EHMT1: variants seen among roughly 807,000 people sequenced by gnomAD.
The protein encoded by EHMT1 is euchromatic histone lysine methyltransferase 1.
In EHMT1, 15 loss-of-function variants were observed where a neutral mutation model predicts 147.2. The ratio of observed to expected loss-of-function variants is 0.10; its 90% CI spans 0.07 to 0.16. The LOEUF (loss-of-function observed/expected upper bound fraction) is 0.16. Among genes scored for constraint, EHMT1 ranks in the 10% least tolerant of loss-of-function variants. The pLI is 1.00. For missense variants in EHMT1, 1,587 were observed against 1,772.4 expected (o/e 0.90, Z 1.88); for synonymous variants, 795 against 709.6 (o/e 1.12, Z -1.91).
rs760547309 is a variant in EHMT1 at position 137,798,857 on chromosome 9, C to T, written c.2550C>T (p.Gly850=). 6.2e-7 allele frequency: 1 copy of T among 1,614,180 alleles called. No homozygotes were observed. The highest frequency in any genetic ancestry group is 1.7e-5 in the Admixed American group (1 of 60,030). The change falls in exon 17 of 27, where the codon GGC becomes GGT. Residue 850 remains glycine, a synonymous_variant. Transcript: ENST00000460843. ...GTTTGCACCTGGCTGCCAAGAAAGG[C>T]CACTACGAAGTGGTCCAGTACCTGC... is the stretch of plus-strand genomic sequence containing the variant. ...STCLHLAAKK[G]HYEVVQYLLS... is the part of the protein sequence containing the mutation.
intron 25 of EHMT1, among the ~76,000 whole-genome samples, chr9:137,829,185 C>T (rs1437564792): frequency 6.6e-6 from 1 of 152,220 alleles, no homozygotes; most frequent in African/African-American, 2.4e-5. Flanking sequence ...ACAGGTTCTT[C>T]TCTGATGCCT....
At chr9:137,795,562 G>A (rs1588752651) in intron 16 of EHMT1, among the ~76,000 whole-genome samples, 2 of 152,152 alleles carry the variant, frequency 1.3e-5, no homozygotes, top group Non-Finnish European at 2.9e-5. Context: ...TGGAGAAAAC[G>A]CACACAGACA....
At position 137,813,079 on chromosome 9, in the gene EHMT1, C is replaced by G. The variant is rs1236299267; in HGVS notation, c.2941C>G (p.Leu981Val). Residue 981 changes from leucine to valine, a missense_variant, in exon 20 of 27, where the codon CTC becomes GTC. By Grantham distance (32) the Leu-to-Val change is conservative. Coordinates refer to ENST00000460843, the MANE Select transcript of EHMT1 (RefSeq NM_024757.5). The surrounding 1 kb of genome is among the most constrained non-coding windows in gnomAD (Gnocchi z 4.9). ...AGAGACGCCCCTGCAGTGTGCGAGC[C>G]TCAACTCTCAGGTGTGGAGCGCTCT... is the stretch of plus-strand genomic sequence containing the variant. Reference protein sequence around the residue: ...EGETPLQCASLNSQVWSALQM... With the variant: ...EGETPLQCASVNSQVWSALQM... The G allele has an allele frequency of 6.2e-7, 1 of 1,613,708 alleles. No homozygotes were observed. Among genetic ancestry groups the G allele is most frequent in the African/African-American group, 1.3e-5 (1 of 74,932 alleles).
intron 3 of EHMT1, among the ~76,000 whole-genome samples, chr9:137,723,173 AGTCCGGGGTGTGC>A: frequency 8.9e-6 from 1 of 112,576 alleles, no homozygotes; most frequent in Admixed American, 9.2e-5. Context: ...TCTGGGCCTG[AGTCCGGGGTGTGC>A]CTGTGTCTGT....
At chr9:137,779,598 G>C in intron 13 of EHMT1, 37 bp from the exon 14 acceptor site, 3 of 1,610,916 alleles carry the variant, frequency 1.9e-6, no homozygotes, top group African/African-American at 1.3e-5. Flanking sequence ...GTGGGATGCA[G>C]AGCCCCATGC....
At chr9:137,627,635 G>A (rs1843353587) in intron 1 of EHMT1, among the ~76,000 whole-genome samples, 1 of 151,354 alleles carries the variant, frequency 6.6e-6, no homozygotes, top group Non-Finnish European at 1.5e-5. Context: ...CTTTTGCAGA[G>A]GTTCTGTCTG....
intron 9 of EHMT1, among the ~76,000 whole-genome samples, chr9:137,759,209 T>G (rs1167920808): frequency 6.6e-6 from 1 of 152,084 alleles, no homozygotes; most frequent in Non-Finnish European, 1.5e-5. Context: ...ACGATGATAT[T>G]TTTTCCTCTT....
intron 25 of EHMT1, 127 bp from the exon 26 acceptor site, chr9:137,834,222 G>A: frequency 4.0e-6 from 5 of 1,249,902 alleles, no homozygotes; most frequent in Non-Finnish European, 5.6e-6. Context: ...ACTGGAGAAG[G>A]CCCCTCCTGC....
intron 25 of EHMT1, among the ~76,000 whole-genome samples, chr9:137,826,243 G>C (rs1264901136): frequency 6.6e-6 from 1 of 152,192 alleles, no homozygotes; most frequent in Non-Finnish European, 1.5e-5. Flanking sequence ...TGGCATCTCT[G>C]TAGGTCTGTT....
chr9:137,780,803 C>T lies in EHMT1; in HGVS notation c.2275+1086C>T, dbSNP rs538135024. Among the ~76,000 whole-genome samples the T allele has an allele frequency of 3.8e-5, 3 of 78,062 alleles. No homozygotes were observed. In the Admixed American group the frequency reaches 4.0e-4, roughly 11 times the overall value. 51.2% of individuals were successfully genotyped at this position (78,062 alleles called of 152,430 possible). ...ACGCTGAGATGTGTGGTGATGACGG[C>T]ATCTCACTGAGATGTGTGGTGATGA... On this transcript the variant is annotated intron_variant, in intron 14 of 26. Coordinates refer to ENST00000460843, the MANE Select transcript of EHMT1 (RefSeq NM_024757.5).
rs1286536772 is a variant in EHMT1, at chr9:137,716,651, C to T, written c.111C>T (p.Gly37=). 3 of 1,585,908 alleles carry T rather than the reference C, an allele frequency of 1.9e-6. No homozygotes were observed. Among genetic ancestry groups the T allele is most frequent in the Non-Finnish European group, 2.6e-6 (3 of 1,163,482 alleles). ...AGACACCTATGGCTGCCGATGAAGG[C>T]TCAGCAGAGAAACAGGCAGGAGAGG... The part of the protein sequence containing the change: ...GEETPMAADE[G]SAEKQAGEAH... Residue 37 remains glycine (G), a synonymous_variant, in exon 3 of 27, where the codon GGC becomes GGT. Transcript: ENST00000460843.
intron 2 of EHMT1, among the ~76,000 whole-genome samples, chr9:137,714,600 T>C (rs2135451549): frequency 6.8e-6 from 1 of 147,652 alleles, no homozygotes; most frequent in South Asian, 2.2e-4. Context: ...TCACCCAGGC[T>C]GGAGTGCAGT....
In EHMT1 at chr9:137,670,835, T is replaced by G. The variant is rs140916031; in HGVS notation, c.22-40132T>G. ...AGGAGAAGCCAGAGCTGCCTTTCCA[T>G]TCTCTGTCCGCTCGCCTTTGCCGCC... On this transcript the variant is annotated intron_variant, in intron 1 of 26. Transcript: ENST00000460843. Among the ~76,000 whole-genome samples the G allele has an allele frequency of 2.3e-3, 356 of 152,280 alleles. 4 individuals carry two copies. Among genetic ancestry groups the G allele is most frequent in the East Asian group, 0.018 (93 of 5,182 alleles).
intron 1 of EHMT1, among the ~76,000 whole-genome samples, chr9:137,653,766 C>T (rs913218856): frequency 3.3e-5 from 5 of 152,154 alleles, no homozygotes; most frequent in South Asian, 2.1e-4. Flanking sequence ...GACCCTGATC[C>T]GCCTGCCTCG....
chr9:137,662,792 AT>A (rs1325624369), intron 1 of EHMT1, among the ~76,000 whole-genome samples: 36 of 140,964 alleles, frequency 2.6e-4, no homozygotes, highest in African/African-American at 9.5e-4. Context: ...TTATTTATTT[AT>A]TTATTTATTT....
chr9:137,822,467 C>T (rs1955492771), intron 25 of EHMT1, among the ~76,000 whole-genome samples: 1 of 152,232 alleles, frequency 6.6e-6, no homozygotes, highest in African/African-American at 2.4e-5. Context: ...GGTTATAGCA[C>T]TTCCGTTCCC....
At chr9:137,637,564 C>G (rs1370492493) in intron 1 of EHMT1, 1 of 152,214 alleles carries the variant, frequency 6.6e-6, no homozygotes, top group Non-Finnish European at 1.5e-5. Flanking sequence ...TCACTTCAGT[C>G]TTGAACTCCT....
At chr9:137,721,084 G>A (rs548592888) in intron 3 of EHMT1, among the ~76,000 whole-genome samples, 1 of 151,772 alleles carries the variant, frequency 6.6e-6, no homozygotes, top group Non-Finnish European at 1.5e-5. Context: ...GTGTTTCCTC[G>A]AGGCTTCAGC....
At position 137,780,966 on chromosome 9, in the gene EHMT1, A is replaced by G. The variant is rs376122027; in HGVS notation, c.2275+1249A>G. On this transcript the variant is annotated intron_variant, in intron 14 of 26. Transcript: ENST00000460843. ...ACTGAGATGTGTGGTGATGACGCTG[A>G]GACGTGTGGTGATGACGCTGGGATG... Among the ~76,000 whole-genome samples the G allele has an allele frequency of 9.1e-3, 539 of 58,974 alleles. 12 individuals carry two copies. The highest frequency in any genetic ancestry group is 0.013 in the Admixed American group (56 of 4,432). The allele number at this position is 58,974 out of a possible 152,430, so 38.7% of individuals were successfully genotyped here.
Sources: gnomAD v4.1 joint callset for allele counts (sites outside exome capture counted in the v4.1 genomes callset) on GRCh38, gnomAD v4.1.1 for gene constraint, Gnocchi (gnomAD v3.1) non-coding constraint, MANE v1.5 for transcripts, NCBI Gene and HGNC (gene_info 2026-07-23, HGNC 2026-07-21) for gene names.